KRT23: variants seen among roughly 807,000 people sequenced by gnomAD.
The protein encoded by KRT23 is keratin 23, also known as keratin, type I cytoskeletal 23.
A neutral mutation model predicts 47.6 loss-of-function variants in KRT23; 38 were observed. The ratio of observed to expected loss-of-function variants is 0.80; its 90% CI spans 0.62 to 1.05. The LOEUF (loss-of-function observed/expected upper bound fraction) is 1.05, where lower values mean the gene tolerates loss of function less well. Ranked by LOEUF, KRT23 falls within the 50% of genes least tolerant of loss-of-function variation. The probability of loss-of-function intolerance (pLI) is 0.00; values close to 1 mark genes in which losing one functional copy is unlikely to be tolerated. For synonymous variants in KRT23, 191 were observed against 199.0 expected (o/e 0.96, Z 0.34); for missense variants, 503 against 529.5 (o/e 0.95, Z 0.49).
chr17:40,926,890 C>T (rs1020182949), intron 6 of KRT23, among the ~76,000 whole-genome samples: 1 of 151,922 alleles, frequency 6.6e-6, no homozygotes, highest in Non-Finnish European at 1.5e-5. Flanking sequence ...CCCTCTTCCC[C>T]TCCCTTCCCC....
intron 2 of KRT23, among the ~76,000 whole-genome samples, chr17:40,935,712 CA>C (rs1294047361): frequency 2.0e-5 from 3 of 152,154 alleles, no homozygotes; most frequent in Admixed American, 6.5e-5. Flanking sequence ...AATAGTGTAA[CA>C]GCCTTTTGTC....
chr17:40,935,005 T>C (rs1355905020), intron 2 of KRT23, among the ~76,000 whole-genome samples: 1 of 152,136 alleles, frequency 6.6e-6, no homozygotes, highest in Non-Finnish European at 1.5e-5. Flanking sequence ...TTGGGAGTCA[T>C]GGTCTCCCTT....
chr17:40,928,775 C>A, intron 4 of KRT23, 168 bp from the exon 5 acceptor site: 1 of 581,900 alleles, frequency 1.7e-6, no homozygotes. Context: ...GGTGATAAAA[C>A]ATTGTATACT....
At chr17:40,923,504 A>C (rs1279536218) in intron 8 of KRT23, among the ~76,000 whole-genome samples, 2 of 152,270 alleles carry the variant, frequency 1.3e-5, no homozygotes, top group African/African-American at 2.4e-5. Context: ...TGAGAAGCCA[A>C]GGATGCTTAC....
intron 2 of KRT23, among the ~76,000 whole-genome samples, chr17:40,934,662 A>C (rs1456166826): frequency 6.6e-6 from 1 of 152,214 alleles, no homozygotes; most frequent in Non-Finnish European, 1.5e-5. Flanking sequence ...GCAGCACTAC[A>C]CTGTAGTGAA....
In KRT23 at chr17:40,931,345, C is replaced by A. The variant is rs72824086; in HGVS notation, c.479+28G>T. The A allele has an allele frequency of 3.2e-6, 5 of 1,553,370 alleles. No individual in the cohort carries two copies. The African/African-American group carries it at 4.1e-5, about 13-fold the overall frequency. On this transcript the variant is annotated intron_variant, in intron 3 of 8. Coordinates refer to ENST00000209718, the MANE Select transcript of KRT23 (RefSeq NM_015515.5). ...TTTGTAAAGCAAACAAACAAAAACC[C>A]GAACAACCCTGTGAAGAAGGAACTT...
At chr17:40,935,086 A>G (rs1597886590) in intron 2 of KRT23, among the ~76,000 whole-genome samples, 1 of 149,384 alleles carries the variant, frequency 6.7e-6, no homozygotes, top group East Asian at 2.0e-4. Flanking sequence ...ACAAAAAAAC[A>G]TGATGAGGAC....
rs1428014624 is a variant in KRT23 at position 40,937,615 on chromosome 17, A to G, written c.-620T>C. ...AAAGGTTAGGAATGAATAAAGAAGCAGTCTGGGGGCGGGAGCCACGTGCTA... is the reference window on the plus strand; with the variant it reads ...AAAGGTTAGGAATGAATAAAGAAGCGGTCTGGGGGCGGGAGCCACGTGCTA... On this transcript the variant is annotated 5_prime_UTR_variant, in exon 1 of 9. Transcript: ENST00000209718. 1.3e-5 allele frequency: 2 copies of G among 152,252 alleles called. No individual in the cohort carries two copies. The highest frequency in any genetic ancestry group is 1.9e-4 in the East Asian group (1 of 5,190). 9.4% of individuals were successfully genotyped at this position (152,252 alleles called of 1,614,324 possible). A position where few individuals can be genotyped will look rare whatever the true frequency, so the allele number is the denominator to read the frequency against.
At chr17:40,934,843 T>A (rs1909936071) in intron 2 of KRT23, among the ~76,000 whole-genome samples, 2 of 152,328 alleles carry the variant, frequency 1.3e-5, no homozygotes, top group South Asian at 4.1e-4. Flanking sequence ...AACTCTTGGA[T>A]AGTGTTGACA....
intron 2 of KRT23, among the ~76,000 whole-genome samples, chr17:40,934,716 T>C (rs1909928457): frequency 6.6e-6 from 1 of 152,252 alleles, no homozygotes; most frequent in African/African-American, 2.4e-5. Context: ...GAATCCCACC[T>C]CTGCTTCTTG....
At position 40,928,291 on chromosome 17, in the gene KRT23, GT is replaced by G; in HGVS notation, c.867del (p.Glu289AspfsTer2). 6.2e-7 allele frequency: 1 copy of G among 1,614,200 alleles called. No homozygotes were observed. The highest frequency in any genetic ancestry group is 8.5e-7 in the Non-Finnish European group (1 of 1,180,028). On this transcript the variant is annotated frameshift_variant, in exon 6 of 9. Transcript: ENST00000209718. LOFTEE classifies it high-confidence loss of function. ...TVQSRQGDIH[E>X]LKRTFQALEI... ...TCCAGGGCCTGGAATGTGCGCTTCA[GT>G]TCGTGGATGTCACCTTGTCTGCTCT...
Position 40,936,431 on chromosome 17 carries a change from G to T in KRT23, c.173C>A (p.Ser58Tyr). ...GGGGCTGCTTCTTCCAGAACCCCAA[G>T]ACCCTCCAGGGGGTGGGCAGCTCCG... Reference protein sequence around the residue: ...TTRSCPPPGGSWGSGRSSPLL... With the variant: ...TTRSCPPPGGYWGSGRSSPLL... Residue 58 changes from serine (S) to tyrosine (Y), a missense_variant, in exon 2 of 9, where the codon TCT becomes TAT. Transcript: ENST00000209718. The T allele has an allele frequency of 6.2e-7, 1 of 1,612,704 alleles. No individual in the cohort carries two copies. The highest frequency in any genetic ancestry group is 8.5e-7 in the Non-Finnish European group (1 of 1,179,068).
At chr17:40,930,853 C>T (rs1485764435) in intron 3 of KRT23, among the ~76,000 whole-genome samples, 2 of 152,038 alleles carry the variant, frequency 1.3e-5, no homozygotes, top group Non-Finnish European at 2.9e-5. Context: ...TTAATATCAT[C>T]TAATTCTTGA....
Position 40,936,360 on chromosome 17 carries a change from G to A in KRT23, c.244C>T (p.Arg82Cys), listed in dbSNP as rs376489003. The stretch of plus-strand genomic sequence containing the variant: ...ACCTTCTCCAGGTAGGAGGCCAGGC[G>A]GTCGTTGAGATTCTGCATGGTGGCC... ...GKATMQNLND[R>C]LASYLEKVRA... Residue 82 changes from arginine (R) to cysteine (C), a missense_variant, in exon 2 of 9, where the codon CGC (arginine) becomes TGC (cysteine). Coordinates refer to ENST00000209718, the MANE Select transcript of KRT23 (RefSeq NM_015515.5). 5.6e-6 allele frequency: 9 copies of A among 1,614,096 alleles called. No individual in the cohort carries two copies. Among genetic ancestry groups the A allele is most frequent in the Non-Finnish European group, 6.8e-6 (8 of 1,180,040 alleles).
chr17:40,926,616 G>A (rs780249089), intron 6 of KRT23, among the ~76,000 whole-genome samples: 1 of 152,088 alleles, frequency 6.6e-6, no homozygotes, highest in Non-Finnish European at 1.5e-5. Context: ...GCAGTTGCCC[G>A]CCTTCTTGCG....
At chr17:40,926,596 A>G (rs970584522) in intron 6 of KRT23, among the ~76,000 whole-genome samples, 1 of 152,184 alleles carries the variant, frequency 6.6e-6, no homozygotes, top group Non-Finnish European at 1.5e-5. Context: ...TCTGTGCTCC[A>G]GTCATCTCGG....
In KRT23 at chr17:40,922,929, G is replaced by C. The variant is rs561032594; in HGVS notation, c.*60C>G. 2.2e-5 allele frequency: 27 copies of C among 1,203,500 alleles called. No individual in the cohort carries two copies. Among genetic ancestry groups the C allele is most frequent in the Non-Finnish European group, 3.3e-5 (27 of 807,672 alleles). 74.6% of individuals were successfully genotyped at this position (1,203,500 alleles called of 1,614,324 possible). ...TTTTAGAACTCACTCACTGGTGTCT[G>C]TGCAAGGACTTTCCTTGGGGGAAAA... On this transcript the variant is annotated 3_prime_UTR_variant, in exon 9 of 9. Coordinates refer to ENST00000209718, the MANE Select transcript of KRT23 (RefSeq NM_015515.5).
In KRT23 at chr17:40,936,485, C is replaced by T. The variant is rs780096588; in HGVS notation, c.119G>A (p.Gly40Glu). 3 of 1,565,126 alleles carry T rather than the reference C, an allele frequency of 1.9e-6. No homozygotes were observed. Among genetic ancestry groups the T allele is most frequent in the East Asian group, 2.2e-5 (1 of 44,462 alleles). The change falls in exon 2 of 9, where the codon GGA (glycine) becomes GAA (glutamate). Residue 40 changes from glycine (G) to glutamate (E), a missense_variant. Physicochemically the swap from Gly to Glu is moderately conservative, Grantham distance 98 (BLOSUM62 -2). Transcript: ENST00000209718. ...GGTGAAGGACAGGGAGATGCGGGCT[C>T]CCCCCGCACCGCCATGGACGGTGGG... ...RAPTVHGGAGGARISLSFTTR... is the reference protein window; with the variant it reads ...RAPTVHGGAGEARISLSFTTR...
chr17:40,923,074 GT>G lies in KRT23; in HGVS notation c.1183del (p.Thr395LeufsTer7). 1 of 1,611,942 alleles carries G rather than the reference GT, an allele frequency of 6.2e-7. No homozygotes were observed. The highest frequency in any genetic ancestry group is 8.5e-7 in the Non-Finnish European group (1 of 1,178,004). ...CTGGGTTATGGCCTTGATCTTTGGA[GT>G]TGCAGACACTGAGAAAAAGAGCATG... ...ESKSSMKVSA[T>X]PKIKAITQET... On this transcript the variant is annotated frameshift_variant, in exon 9 of 9. Coordinates refer to ENST00000209718, the MANE Select transcript of KRT23 (RefSeq NM_015515.5).
Sources: gnomAD v4.1 joint callset for allele counts (sites outside exome capture counted in the v4.1 genomes callset) on GRCh38, gnomAD v4.1.1 for gene constraint, MANE v1.5 for transcripts, NCBI Gene and HGNC (gene_info 2026-07-23, HGNC 2026-07-21) for gene names.